The following HMGN5 variants were observed in gnomAD, a reference collection of about 807,000 sequenced individuals.
The protein encoded by HMGN5 is high mobility group nucleosome-binding domain-containing protein 5.
A neutral mutation model predicts 9.5 loss-of-function variants in HMGN5; 4 were observed. That is an observed-to-expected ratio of 0.42 (90% CI 0.21 to 0.96). HMGN5 has a LOEUF of 0.96. Among genes scored for constraint, HMGN5 ranks in the 40% least tolerant of loss-of-function variants. The pLI is 0.30. For synonymous variants in HMGN5, 55 were observed against 57.1 expected (o/e 0.96, Z 0.16); for missense variants, 192 against 187.5 (o/e 1.02, Z -0.14).
chrX:81,180,206 A>C (rs2075457927), intron 1 of HMGN5, among the ~76,000 whole-genome samples: 1 of 111,824 alleles, frequency 8.9e-6, no homozygotes, highest in East Asian at 2.8e-4. Context: ...GACAAACGGG[A>C]TCTAATTAAA....
At chrX:81,188,300 T>C (rs746671015) in intron 1 of HMGN5, among the ~76,000 whole-genome samples, 2 of 104,304 alleles carry the variant, frequency 1.9e-5, no homozygotes, top group South Asian at 8.5e-4. Context: ...TTATTATTAT[T>C]ATTGTTATTG....
At chrX:81,138,324 A>AT (rs772222511) in intron 1 of HMGN5, among the ~76,000 whole-genome samples, 2 of 111,574 alleles carry the variant, frequency 1.8e-5, no homozygotes, top group Non-Finnish European at 3.8e-5. Flanking sequence ...CATCATTTTA[A>AT]TTTTTTTATT....
rs201399343 is a variant in HMGN5 at position 81,163,762 on chromosome X, A to G, written c.-124+37975T>C. On this transcript the variant is annotated intron_variant, in intron 1 of 6. Coordinates refer to ENST00000358130, the MANE Select transcript of HMGN5 (RefSeq NM_030763.3). Reference sequence around the variant, plus strand: ...GTAAGGATAAGAGGTATACATAATAATCTACAGGGGATAGGATGGGGGAAT... The same window carrying G: ...GTAAGGATAAGAGGTATACATAATAGTCTACAGGGGATAGGATGGGGGAAT... 6.3e-5 allele frequency among the ~76,000 whole-genome samples: 7 copies of G among 111,626 alleles called. No homozygotes were observed. In the East Asian group the frequency reaches 1.7e-3, roughly 27 times the overall value.
intron 1 of HMGN5, among the ~76,000 whole-genome samples, chrX:81,175,343 TTG>T (rs765266419): frequency 1.8e-3 from 191 of 106,359 alleles, no homozygotes; most frequent in African/African-American, 5.5e-3. Context: ...ACAATTCTAT[TTG>T]TGTGTGTGTG....
chrX:81,171,782 C>T (rs1013320716), intron 1 of HMGN5, among the ~76,000 whole-genome samples: 2 of 111,369 alleles, frequency 1.8e-5, no homozygotes, highest in African/African-American at 6.5e-5. Context: ...GTCACTCCAA[C>T]CCTTGATCAC....
At chrX:81,190,076 G>A (rs1172795318) in intron 1 of HMGN5, among the ~76,000 whole-genome samples, 1 of 111,391 alleles carries the variant, frequency 9.0e-6, no homozygotes. Context: ...TTTTTATTTG[G>A]TTGTTTGTTT....
At chrX:81,181,832 T>G (rs2075463735) in intron 1 of HMGN5, among the ~76,000 whole-genome samples, 1 of 112,366 alleles carries the variant, frequency 8.9e-6, no homozygotes, top group Non-Finnish European at 1.9e-5. Flanking sequence ...TACTACAATA[T>G]CTTCATTCAT....
intron 1 of HMGN5, among the ~76,000 whole-genome samples, chrX:81,127,998 C>T (rs1473028723): frequency 9.0e-6 from 1 of 110,915 alleles, no homozygotes; most frequent in East Asian, 2.8e-4. Context: ...AAGGAGGAAT[C>T]GTTAAAATTT....
Position 81,114,491 on chromosome X carries a change from A to C in HMGN5, c.*158T>G. 1 of 466,005 alleles carries C rather than the reference A, an allele frequency of 2.1e-6. No homozygotes were observed. The highest frequency in any genetic ancestry group is 3.2e-6 in the Non-Finnish European group (1 of 316,789). The allele number at this position is 466,005 out of a possible 1,213,427, so 38.4% of individuals were successfully genotyped here. Reference sequence around the variant, plus strand: ...TTTATAGATAAATGTTTCATGTTAGAAACTTTATGGCTAATAATCAATATG... The same window carrying C: ...TTTATAGATAAATGTTTCATGTTAGCAACTTTATGGCTAATAATCAATATG... On this transcript the variant is annotated 3_prime_UTR_variant, in exon 7 of 7. Transcript: ENST00000358130.
chrX:81,149,391 C>T (rs966004271), intron 1 of HMGN5, among the ~76,000 whole-genome samples: 2 of 111,656 alleles, frequency 1.8e-5, no homozygotes, highest in Non-Finnish European at 3.8e-5. Context: ...GAAAACCAAA[C>T]ACTGCATGTT....
intron 1 of HMGN5, among the ~76,000 whole-genome samples, chrX:81,145,961 A>C (rs1333746200): frequency 3.6e-5 from 4 of 111,686 alleles, no homozygotes; most frequent in African/African-American, 1.3e-4. Flanking sequence ...ACTATCCTAA[A>C]TATATATGCA....
chrX:81,199,677 G>A (rs1185346757), intron 1 of HMGN5, among the ~76,000 whole-genome samples: 2 of 112,237 alleles, frequency 1.8e-5, no homozygotes, highest in Non-Finnish European at 3.8e-5. Context: ...CTAGCCATAT[G>A]TAGAAAGCTG....
Position 81,154,343 on chromosome X carries a change from G to T in HMGN5, c.-123-32671C>A, listed in dbSNP as rs1030645972. ...TAATGAAACTTGACTCCTATCTCTT[G>T]CCATATACAAAAATCAAATCAAAAT... On this transcript the variant is annotated intron_variant, in intron 1 of 6. Transcript: ENST00000358130. Among the ~76,000 whole-genome samples the T allele has an allele frequency of 3.6e-5, 4 of 111,040 alleles. 1 individual carries two copies. The highest frequency in any genetic ancestry group is 7.6e-5 in the Non-Finnish European group (4 of 52,950).
chrX:81,115,083 C>A lies in HMGN5; in HGVS notation c.415G>T (p.Glu139Ter). ...TCTTTTCCAGCTTCCCCTTTCTCTT[C>A]GTTTTGATCTTCTTCATCTTCTTTC... Reference protein sequence around the residue: ...DQKEDEEDQNEEKGEAGKEDK... With the variant: ...DQKEDEEDQN The change falls in exon 7 of 7, where the codon GAA becomes TAA. Residue 139 changes from glutamate (E) to a stop codon, truncating the protein, a stop_gained. Coordinates refer to ENST00000358130, the MANE Select transcript of HMGN5 (RefSeq NM_030763.3). LOFTEE classifies it low-confidence loss of function (END_TRUNC). 1 of 1,157,016 alleles carries A rather than the reference C, an allele frequency of 8.6e-7. No individual in the cohort carries two copies. The highest frequency in any genetic ancestry group is 1.2e-6 in the Non-Finnish European group (1 of 869,157).
At chrX:81,190,639 T>C (rs1218595377) in intron 1 of HMGN5, among the ~76,000 whole-genome samples, 6 of 112,003 alleles carry the variant, frequency 5.4e-5, no homozygotes, top group Non-Finnish European at 1.1e-4. Flanking sequence ...ATCTAAAATG[T>C]CATTGTTAAA....
chrX:81,165,470 C>G (rs973804629), intron 1 of HMGN5, among the ~76,000 whole-genome samples: 1 of 111,136 alleles, frequency 9.0e-6, no homozygotes, highest in Non-Finnish European at 1.9e-5. Flanking sequence ...AGATCCTTAA[C>G]AAAACTCCCC....
chrX:81,153,069 A>G (rs1271495172), intron 1 of HMGN5, among the ~76,000 whole-genome samples: 5 of 107,233 alleles, frequency 4.7e-5, no homozygotes, highest in Non-Finnish European at 7.7e-5. Flanking sequence ...TGGGTGCAGC[A>G]CACCAGCATG....
chrX:81,147,839 C>T (rs2075349588), intron 1 of HMGN5, among the ~76,000 whole-genome samples: 1 of 111,361 alleles, frequency 9.0e-6, no homozygotes, highest in East Asian at 2.8e-4. Flanking sequence ...ACACCAATAA[C>T]AGACAAACAC....
chrX:81,140,097 A>G (rs947769557), intron 1 of HMGN5, among the ~76,000 whole-genome samples: 4 of 111,495 alleles, frequency 3.6e-5, no homozygotes, highest in Admixed American at 9.5e-5. Context: ...TTCTTTCCGC[A>G]TGAGGAGAGG....
Sources: allele counts gnomAD v4.1 joint callset (sites outside exome capture counted in the v4.1 genomes callset), GRCh38; gene constraint gnomAD v4.1.1; transcripts MANE v1.5; gene names NCBI Gene and HGNC (gene_info 2026-07-23, HGNC 2026-07-21).